The following CELF2 variants were observed in gnomAD, a reference collection of about 807,000 sequenced individuals.
CELF2 encodes CUGBP Elav-like family member 2.
In CELF2, 8 loss-of-function variants were observed where a neutral mutation model predicts 62.6. The observed-to-expected ratio is 0.13, with a 90% CI of 0.07 to 0.23. The LOEUF is 0.23. Among genes scored for constraint, CELF2 ranks in the 10% least tolerant of loss-of-function variants. The probability of loss-of-function intolerance (pLI) is 1.00; values close to 1 mark genes in which losing one functional copy is unlikely to be tolerated. For synonymous variants in CELF2, 258 were observed against 250.0 expected (o/e 1.03, Z -0.30); for missense variants, 333 against 671.0 (o/e 0.50, Z 5.56).
At chr10:11,158,071 A>G (rs1252403103) in intron 1 of CELF2, among the ~76,000 whole-genome samples, 1 of 152,052 alleles carries the variant, frequency 6.6e-6, no homozygotes, top group African/African-American at 2.4e-5. Context: ...TTCCCCCTAT[A>G]TTTGTCTTCA....
At chr10:10,913,856 A>AAG (rs1331092311) in intron 1 of CELF2, among the ~76,000 whole-genome samples, 87 of 72,342 alleles carry the variant, frequency 1.2e-3, no homozygotes, top group East Asian at 3.5e-3. Context: ...GGAGGGAAGG[A>AAG]GAGAAGGAAG....
chr10:10,884,658 C>T (rs529042688), intron 1 of CELF2, among the ~76,000 whole-genome samples: 4 of 152,304 alleles, frequency 2.6e-5, no homozygotes, highest in South Asian at 4.1e-4. Flanking sequence ...TTGAACTATC[C>T]TTGACTTCTT....
chr10:10,729,459 G>A, the CELF2 span, among the ~76,000 whole-genome samples: 3 of 152,190 alleles, frequency 2.0e-5, no homozygotes, highest in Non-Finnish European at 4.4e-5. Flanking sequence ...AAAGCAACAT[G>A]CCAAAAAGCC....
At chr10:10,590,735 C>G in the CELF2 span, among the ~76,000 whole-genome samples, 124 of 152,298 alleles carry the variant, frequency 8.1e-4, no homozygotes, top group African/African-American at 3.0e-3. Context: ...GTGGAAAATA[C>G]CAAGGACTGG....
intron 1 of CELF2, among the ~76,000 whole-genome samples, chr10:11,142,329 A>G (rs1038723809): frequency 2.6e-5 from 4 of 152,198 alleles, no homozygotes; most frequent in African/African-American, 9.7e-5. Context: ...AAATAGGGTA[A>G]GAACTGAAAG....
chr10:11,199,322 T>A (rs1004058430), intron 2 of CELF2, among the ~76,000 whole-genome samples: 19 of 152,166 alleles, frequency 1.2e-4, no homozygotes, highest in African/African-American at 3.9e-4. Flanking sequence ...TCCCCCCTCT[T>A]GAACATGGAG....
chr10:10,944,201 G>A (rs1349328471), intron 2 of CELF2: 3 of 152,642 alleles, frequency 2.0e-5, no homozygotes, highest in Admixed American at 1.3e-4. Context: ...AGATCCAGTA[G>A]ACACTTCAAT....
intron 4 of CELF2, among the ~76,000 whole-genome samples, chr10:11,257,331 A>C (rs2079074136): frequency 9.9e-6 from 1 of 100,642 alleles, no homozygotes; most frequent in African/African-American, 4.0e-5. Flanking sequence ...TTAAAAGACC[A>C]TCTACAAAAA....
At chr10:10,509,633 A>C in the CELF2 span, among the ~76,000 whole-genome samples, 1 of 152,210 alleles carries the variant, frequency 6.6e-6, no homozygotes, top group Non-Finnish European at 1.5e-5. Context: ...CATTCTACAG[A>C]ATAAATCCCA....
intron 8 of CELF2, among the ~76,000 whole-genome samples, chr10:11,286,819 C>T (rs767166634): frequency 6.6e-6 from 1 of 152,172 alleles, no homozygotes; most frequent in African/African-American, 2.4e-5. Flanking sequence ...TTTCAAGCAT[C>T]CCTGTGAAAT....
At chr10:11,299,672 C>T (rs1361541166) in intron 9 of CELF2, among the ~76,000 whole-genome samples, 3 of 152,144 alleles carry the variant, frequency 2.0e-5, no homozygotes, top group South Asian at 4.1e-4. Flanking sequence ...GTGGTTTGCC[C>T]GGGATGTTAG....
chr10:10,889,146 A>T (rs915797925), intron 1 of CELF2, among the ~76,000 whole-genome samples: 2 of 152,224 alleles, frequency 1.3e-5, no homozygotes, highest in Non-Finnish European at 2.9e-5. Flanking sequence ...AAAATCCTCT[A>T]ATATAAAATG....
chr10:10,981,255 A>G (rs768707925), intron 2 of CELF2, among the ~76,000 whole-genome samples: 2 of 152,204 alleles, frequency 1.3e-5, no homozygotes, highest in South Asian at 4.1e-4. Flanking sequence ...GGTTTGAACT[A>G]TGTGATTTGT....
At chr10:11,095,072 T>A (rs1244615623) in intron 1 of CELF2, among the ~76,000 whole-genome samples, 2 of 152,202 alleles carry the variant, frequency 1.3e-5, no homozygotes, top group Non-Finnish European at 2.9e-5. Flanking sequence ...TTCATCCCTT[T>A]TAATTATATT....
In CELF2 at chr10:11,157,189, G is replaced by T. The variant is rs1384460451; in HGVS notation, c.75-8297G>T. Reference sequence around the variant, plus strand: ...GCACATGACTGCCGTCGGCGCCAGGGTCTTTGCTGGTACTTCCGTGCCTCT... The same window carrying T: ...GCACATGACTGCCGTCGGCGCCAGGTTCTTTGCTGGTACTTCCGTGCCTCT... On this transcript the variant is annotated intron_variant, in intron 1 of 12. Transcript: ENST00000633077. The surrounding 1 kb of genome is among the most constrained non-coding windows in gnomAD (Gnocchi z 4.9). Among the ~76,000 whole-genome samples the T allele has an allele frequency of 1.3e-5, 2 of 152,220 alleles. No homozygotes were observed. The highest frequency in any genetic ancestry group is 1.9e-4 in the East Asian group (1 of 5,176).
At chr10:10,719,253 C>T in the CELF2 span, among the ~76,000 whole-genome samples, 14 of 151,812 alleles carry the variant, frequency 9.2e-5, no homozygotes, top group Non-Finnish European at 1.8e-4. Context: ...CCACCGCACC[C>T]GGCCTATTAT....
intron 1 of CELF2, among the ~76,000 whole-genome samples, chr10:11,021,391 C>T (rs1014737166): frequency 6.6e-6 from 1 of 152,128 alleles, no homozygotes; most frequent in African/African-American, 2.4e-5. Context: ...GTTAGGATAA[C>T]TGGCAAAATA....
the CELF2 span, among the ~76,000 whole-genome samples, chr10:10,507,692 T>C: frequency 6.6e-6 from 1 of 152,134 alleles, no homozygotes; most frequent in Non-Finnish European, 1.5e-5. Context: ...TGTGGGAAGA[T>C]GGAGGGTGTG....
the CELF2 span, among the ~76,000 whole-genome samples, chr10:10,561,151 A>G: frequency 6.6e-6 from 1 of 152,192 alleles, no homozygotes; most frequent in East Asian, 1.9e-4. Flanking sequence ...TGATACCCCA[A>G]TAACTTATGG....
Sources: allele counts gnomAD v4.1 joint callset (sites outside exome capture counted in the v4.1 genomes callset), GRCh38; gene constraint gnomAD v4.1.1; non-coding constraint Gnocchi (gnomAD v3.1); transcripts MANE v1.5; gene names NCBI Gene and HGNC (gene_info 2026-07-23, HGNC 2026-07-21).